The following BAZ2B variants were observed in gnomAD, a reference collection of about 807,000 sequenced individuals.
BAZ2B encodes the protein bromodomain adjacent to zinc finger domain protein 2B.
In BAZ2B, 91 loss-of-function variants were observed where a neutral mutation model predicts 246.0. The ratio of observed to expected loss-of-function variants is 0.37; its 90% CI spans 0.31 to 0.44. BAZ2B has a LOEUF of 0.44. BAZ2B is among the 20% of genes least tolerant of loss of function. The pLI, the probability that BAZ2B is intolerant of heterozygous loss-of-function variation, is 1.00. For missense variants in BAZ2B, 2,332 were observed against 2,533.7 expected, an observed-to-expected ratio of 0.92 and a Z score of 1.71; for synonymous variants, 855 against 860.0, an observed-to-expected ratio of 0.99 and a Z score of 0.10.
intron 2 of BAZ2B, among the ~76,000 whole-genome samples, chr2:159,544,796 G>A (rs1236228823): frequency 6.6e-6 from 1 of 152,104 alleles, no homozygotes; most frequent in Non-Finnish European, 1.5e-5. Flanking sequence ...AAAACATTCC[G>A]ACAAAATCGT....
chr2:159,632,198 G>C, the BAZ2B span, among the ~76,000 whole-genome samples: 5 of 152,108 alleles, frequency 3.3e-5, no homozygotes, highest in Non-Finnish European at 7.3e-5. Flanking sequence ...TGACAATCCT[G>C]TATGAAATCC....
At chr2:159,490,103 C>A (rs1247263929) in intron 2 of BAZ2B, among the ~76,000 whole-genome samples, 1 of 152,074 alleles carries the variant, frequency 6.6e-6, no homozygotes, top group Non-Finnish European at 1.5e-5. Flanking sequence ...ACATTTATGA[C>A]AAAATTTCAT....
Position 159,326,192 on chromosome 2 carries a change from G to A in BAZ2B, c.5944-274C>T, listed in dbSNP as rs1030338419. The stretch of plus-strand genomic sequence containing the variant: ...GGTAATTCATCTACAGAAGGTGTCT[G>A]TAGTATTCTTTCAGTCTAGGTCACT... On this transcript the variant is annotated intron_variant, in intron 34 of 36. Coordinates refer to ENST00000392783, the MANE Select transcript of BAZ2B (RefSeq NM_013450.4). Among the ~76,000 whole-genome samples the A allele has an allele frequency of 2.6e-5, 4 of 152,266 alleles. No individual in the cohort carries two copies. In the Middle Eastern group the frequency reaches 0.01, roughly 388 times the overall value.
At chr2:159,411,999 T>A (rs908557356) in intron 14 of BAZ2B, 42 of 984,036 alleles carry the variant, frequency 4.3e-5, no homozygotes, top group Non-Finnish European at 4.9e-5. Context: ...TCGGGAGCTG[T>A]TAAAATGAGA....
At chr2:159,679,526 T>C in the BAZ2B span, among the ~76,000 whole-genome samples, 1 of 152,180 alleles carries the variant, frequency 6.6e-6, no homozygotes, top group African/African-American at 2.4e-5. Context: ...CTAGGTTCTC[T>C]TCTGTTGAAT....
At chr2:159,360,805 C>T (rs2059609109) in intron 27 of BAZ2B, among the ~76,000 whole-genome samples, 1 of 152,304 alleles carries the variant, frequency 6.6e-6, no homozygotes, top group Admixed American at 6.5e-5. Flanking sequence ...CACACATCTA[C>T]AACCATGTGA....
intron 27 of BAZ2B, 79 bp from the exon 28 acceptor site, chr2:159,350,436 T>G (rs1380445865): frequency 7.8e-7 from 1 of 1,279,000 alleles, no homozygotes; most frequent in African/African-American, 1.5e-5. Context: ...TTACTCTTTA[T>G]CAAATTATAT....
chr2:159,640,935 A>C, the BAZ2B span, among the ~76,000 whole-genome samples: 3 of 152,038 alleles, frequency 2.0e-5, no homozygotes. Context: ...AAGAAAACAA[A>C]ACAAAAAATT....
intron 18 of BAZ2B, among the ~76,000 whole-genome samples, chr2:159,397,851 A>T (rs2064275249): frequency 1.6e-5 from 1 of 62,978 alleles, no homozygotes; most frequent in African/African-American, 3.4e-5. Context: ...TATAATTAAC[A>T]TCATTTTTTT....
At chr2:159,474,544 T>C (rs757848804) in intron 3 of BAZ2B, among the ~76,000 whole-genome samples, 3 of 152,248 alleles carry the variant, frequency 2.0e-5, no homozygotes, top group Non-Finnish European at 4.4e-5. Context: ...TTGGGGCATT[T>C]AGCCCATTTA....
At chr2:159,491,405 C>G (rs1354403176) in intron 2 of BAZ2B, among the ~76,000 whole-genome samples, 1 of 152,084 alleles carries the variant, frequency 6.6e-6, no homozygotes, top group Non-Finnish European at 1.5e-5. Flanking sequence ...AGAAAATTAA[C>G]TCTCTAATTG....
At chr2:159,654,817 T>C in the BAZ2B span, among the ~76,000 whole-genome samples, 2 of 151,934 alleles carry the variant, frequency 1.3e-5, no homozygotes, top group Non-Finnish European at 2.9e-5. Flanking sequence ...AATACAAAAA[T>C]TAGCTGGGCA....
At chr2:159,349,369 C>A in intron 28 of BAZ2B, 89 bp from the exon 29 acceptor site, 3 of 1,290,700 alleles carry the variant, frequency 2.3e-6, no homozygotes, top group Non-Finnish European at 3.1e-6. Context: ...TTTTCAAATT[C>A]CAAAAAATAT....
At chr2:159,343,058 T>C in intron 31 of BAZ2B, among the ~76,000 whole-genome samples, 1 of 152,118 alleles carries the variant, frequency 6.6e-6, no homozygotes, top group Non-Finnish European at 1.5e-5. Context: ...GGTACAGGCA[T>C]AAAAACTGAC....
rs180935804 is a variant in BAZ2B, at chr2:159,538,128, C to T, written c.-3+17695G>A. Among the ~76,000 whole-genome samples the T allele has an allele frequency of 1.8e-4, 27 of 152,280 alleles. 1 individual carries two copies. The East Asian group carries it at 4.4e-3, about 25-fold the overall frequency. ...CCTCCCACCTCAGCCTCTCTGGTTG[C>T]TGAGACTACAGGTACGCACCACCAT... is the stretch of plus-strand genomic sequence containing the variant. On this transcript the variant is annotated intron_variant, in intron 2 of 36. Coordinates refer to ENST00000392783, the MANE Select transcript of BAZ2B (RefSeq NM_013450.4).
chr2:159,603,267 C>T (rs35945298), intron 1 of BAZ2B, among the ~76,000 whole-genome samples: 9,935 of 152,232 alleles, frequency 0.065, 422 homozygotes, highest in Middle Eastern at 0.18. Flanking sequence ...TAATAAACAA[C>T]GGAGAATGCA....
Position 159,561,422 on chromosome 2 carries a change from T to C in BAZ2B, c.-45-5557A>G, listed in dbSNP as rs115500169. Among the ~76,000 whole-genome samples the C allele has an allele frequency of 4.5e-3, 680 of 152,354 alleles. 6 individuals carry two copies. The highest frequency in any genetic ancestry group is 0.016 in the African/African-American group (655 of 41,584). ...TGAGCTGATGACAGCACCATGCCTC[T>C]TGTACAGCCTGCAGAACTGTTAGCT... is the stretch of plus-strand genomic sequence containing the variant. On this transcript the variant is annotated intron_variant, in intron 1 of 36. Coordinates refer to ENST00000392783, the MANE Select transcript of BAZ2B (RefSeq NM_013450.4).
chr2:159,453,624 G>T lies in BAZ2B; in HGVS notation c.323C>A (p.Ala108Glu). ...TAACAGATGTTTACCTGGAAAAGATGCTAGTTGGGGATGTGCGGCTAAGGC... is the reference window on the plus strand; with the variant it reads ...TAACAGATGTTTACCTGGAAAAGATTCTAGTTGGGGATGTGCGGCTAAGGC... ...PTALAAHPQL[A>E]SFPGAEWWRT... Residue 108 changes from alanine (A) to glutamate (E), a missense_variant, in exon 4 of 37, where the codon GCA becomes GAA. Physicochemically the swap from Ala to Glu is moderately radical, Grantham distance 107. Around this residue, in one of 9 missense-constraint regions of BAZ2B, gnomAD observed 242 missense variants for 237.4 expected, o/e 1.02. Transcript: ENST00000392783. The T allele has an allele frequency of 6.2e-7, 1 of 1,605,262 alleles. No individual in the cohort carries two copies. Among genetic ancestry groups the T allele is most frequent in the African/African-American group, 1.3e-5 (1 of 74,672 alleles).
At chr2:159,347,354 A>C in intron 31 of BAZ2B, 132 bp downstream of exon 31, 1 of 1,085,384 alleles carries the variant, frequency 9.2e-7, no homozygotes, top group Non-Finnish European at 1.3e-6. Context: ...AAATTAATCC[A>C]GGATTGTTTT....
Sources: allele counts gnomAD v4.1 joint callset (sites outside exome capture counted in the v4.1 genomes callset), GRCh38; gene constraint gnomAD v4.1.1; regional missense constraint gnomAD v4.1.1; transcripts MANE v1.5; gene names NCBI Gene and HGNC (gene_info 2026-07-23, HGNC 2026-07-21).